The following KAT6A variants were observed in gnomAD, a reference collection of about 807,000 sequenced individuals.
The protein encoded by KAT6A is lysine acetyltransferase 6A, also known as histone acetyltransferase KAT6A.
A neutral mutation model predicts 198.4 loss-of-function variants in KAT6A; 9 were observed. The ratio of observed to expected loss-of-function variants is 0.05; its 90% confidence interval spans 0.03 to 0.08. KAT6A has a LOEUF of 0.08. Ranked by LOEUF, KAT6A falls within the 10% of genes least tolerant of loss-of-function variation. KAT6A has a pLI of 1.00. For synonymous variants in KAT6A, 890 were observed against 883.0 expected (o/e 1.01, Z -0.14); for missense variants, 2,077 against 2,509.9 (o/e 0.83, Z 3.69).
chr8:41,965,079 GA>G (rs1823399210), intron 8 of KAT6A, among the ~76,000 whole-genome samples: 1 of 152,168 alleles, frequency 6.6e-6, no homozygotes, highest in Non-Finnish European at 1.5e-5. Flanking sequence ...AGATGATATA[GA>G]AAACACAGTA....
rs1321415127 is a variant in KAT6A at position 42,004,653 on chromosome 8, C to T, written c.601-17090G>A. On this transcript the variant is annotated intron_variant, in intron 2 of 16. Transcript: ENST00000265713. ...TAAAAATCACTACTTCGGCCGGGTG[C>T]GGTGACTCACACCTGTAATCCCAGC... is the stretch of plus-strand genomic sequence containing the variant. 4.6e-5 allele frequency among the ~76,000 whole-genome samples: 7 copies of T among 152,112 alleles called. No individual in the cohort carries two copies. The South Asian group carries it at 6.2e-4, about 14-fold the overall frequency.
chr8:42,009,541 A>G (rs569574147), intron 2 of KAT6A, among the ~76,000 whole-genome samples: 1 of 151,820 alleles, frequency 6.6e-6, no homozygotes, highest in Non-Finnish European at 1.5e-5. Context: ...ATGTGGGTGC[A>G]TTTTACATTC....
chr8:42,044,158 T>G (rs1827797167), intron 2 of KAT6A, among the ~76,000 whole-genome samples: 1 of 148,592 alleles, frequency 6.7e-6, no homozygotes, highest in South Asian at 2.1e-4. Context: ...TGGAGTGCAG[T>G]GGCACAATCT....
chr8:41,932,204 C>T lies in KAT6A; in HGVS notation c.*1G>A. 1.3e-6 allele frequency: 2 copies of T among 1,552,122 alleles called. No homozygotes were observed. The highest frequency in any genetic ancestry group is 1.7e-6 in the Non-Finnish European group (2 of 1,149,550). On this transcript the variant is annotated 3_prime_UTR_variant, in exon 17 of 17. Coordinates refer to ENST00000265713, the MANE Select transcript of KAT6A (RefSeq NM_006766.5). ...AGTTTTTGATTGCAAGTTCATCTTG[C>T]TCATCTTCTCATGTAAGGTCCGTTG... is the stretch of plus-strand genomic sequence containing the variant.
At chr8:41,968,183 A>G (rs1425395929) in intron 8 of KAT6A, among the ~76,000 whole-genome samples, 1 of 152,258 alleles carries the variant, frequency 6.6e-6, no homozygotes, top group Non-Finnish European at 1.5e-5. Flanking sequence ...CAGAGTGAAC[A>G]GGCAACCCAC....
intron 2 of KAT6A, among the ~76,000 whole-genome samples, chr8:42,032,704 T>C (rs896011673): frequency 6.6e-6 from 1 of 151,986 alleles, no homozygotes; most frequent in Non-Finnish European, 1.5e-5. Flanking sequence ...ACTCTTACAA[T>C]GGAGGGCTAA....
Position 41,937,320 on chromosome 8 carries a change from A to G in KAT6A, c.3288T>C (p.Cys1096=). The G allele has an allele frequency of 1.5e-5, 24 of 1,614,068 alleles. No individual in the cohort carries two copies. Among genetic ancestry groups the G allele is most frequent in the Non-Finnish European group, 1.9e-5 (23 of 1,179,914 alleles). The change falls in exon 16 of 17, where the codon TGT becomes TGC. Residue 1096 remains cysteine (C), a synonymous_variant. Transcript: ENST00000265713. ...TAGACTTCCTCTTAGAAGAGGACTG[A>G]CACCTGAGTACATCCTGCGAAGACA... ...RRLSSQDVLR[C]QSSSKRKSKD... is the part of the protein sequence containing the mutation.
chr8:41,997,978 T>C (rs1335037096), intron 2 of KAT6A, among the ~76,000 whole-genome samples: 2 of 152,102 alleles, frequency 1.3e-5, no homozygotes, highest in Admixed American at 6.5e-5. Context: ...AGGCATGGTA[T>C]AGTGAAGGAA....
chr8:41,962,356 T>A (rs1341942136), intron 8 of KAT6A, among the ~76,000 whole-genome samples: 1 of 152,086 alleles, frequency 6.6e-6, no homozygotes, highest in Non-Finnish European at 1.5e-5. Flanking sequence ...ATCAAACTCC[T>A]AAATCTTTTC....
chr8:42,045,002 C>T (rs1802143627), intron 2 of KAT6A, among the ~76,000 whole-genome samples: 1 of 152,192 alleles, frequency 6.6e-6, no homozygotes, highest in Admixed American at 6.5e-5. Context: ...ATAAAAGGAG[C>T]AGACATAATC....
In KAT6A at chr8:41,964,593, C is replaced by T. The variant is rs117120282; in HGVS notation, c.1483-9182G>A. Among the ~76,000 whole-genome samples the T allele has an allele frequency of 2.1e-4, 30 of 145,282 alleles. No individual in the cohort carries two copies. In the East Asian group the frequency reaches 4.2e-3, roughly 20 times the overall value. ...CAGATTTTGAATTCAGGATGCTCGA[C>T]GGCTAAGCATATGATGCAAATATTC... On this transcript the variant is annotated intron_variant, in intron 8 of 16. Transcript: ENST00000265713.
rs548107070 is a variant in KAT6A, at chr8:42,025,070, TAA to T, written c.600+23306_600+23307del. ...TAATTTACATTCTCACAACGATGTATAAGAGTTCCCTTTTCTCCCTATCCTCA... is the reference window on the plus strand; with the variant it reads ...TAATTTACATTCTCACAACGATGTATGAGTTCCCTTTTCTCCCTATCCTCA... On this transcript the variant is annotated intron_variant, in intron 2 of 16. Coordinates refer to ENST00000265713, the MANE Select transcript of KAT6A (RefSeq NM_006766.5). 1.9e-4 allele frequency among the ~76,000 whole-genome samples: 29 copies of T among 152,314 alleles called. No homozygotes were observed. The East Asian group carries it at 5.0e-3, about 26-fold the overall frequency.
chr8:42,031,646 T>TTG (rs1827136923), intron 2 of KAT6A, among the ~76,000 whole-genome samples: 1 of 111,088 alleles, frequency 9.0e-6, no homozygotes, highest in African/African-American at 3.4e-5. Context: ...TTTTTTTTTT[T>TTG]GGAGACGGAG....
chr8:42,029,344 G>C (rs186301612), intron 2 of KAT6A, among the ~76,000 whole-genome samples: 5 of 152,136 alleles, frequency 3.3e-5, no homozygotes, highest in African/African-American at 1.2e-4. Flanking sequence ...AAACTTTTCA[G>C]TTATTATTTC....
intron 2 of KAT6A, among the ~76,000 whole-genome samples, chr8:42,041,192 CAAAAAAA>C (rs10595164): frequency 1.1e-5 from 1 of 88,890 alleles, no homozygotes; most frequent in Non-Finnish European, 2.2e-5. Context: ...GATTCCGTCT[CAAAAAAA>C]AAAAAAAAAA....
Position 41,933,094 on chromosome 8 carries a change from T to C in KAT6A, c.5126A>G (p.Asn1709Ser). The C allele has an allele frequency of 6.2e-7, 1 of 1,612,324 alleles. No individual in the cohort carries two copies. The highest frequency in any genetic ancestry group is 8.5e-7 in the Non-Finnish European group (1 of 1,179,458). ...QPPLSQCSMN[N>S]SFTPAPMIME... ...GATCATAGGAGCTGGGGTGAAACTG[T>C]TATTCATACTACACTGTGACAGCGG... The change falls in exon 17 of 17, where the codon AAC (asparagine) becomes AGC (serine). Residue 1709 changes from asparagine to serine, a missense_variant. This residue lies in a region of KAT6A where 500 missense variants were observed against 577.2 expected (regional missense o/e 0.87). Transcript: ENST00000265713. The surrounding 1 kb of genome is among the most constrained non-coding windows in gnomAD (Gnocchi z 6.2).
chr8:41,940,887 C>T lies in KAT6A; in HGVS notation c.2994G>A (p.Arg998=). 1 of 1,613,790 alleles carries T rather than the reference C, an allele frequency of 6.2e-7. No homozygotes were observed. Among genetic ancestry groups the T allele is most frequent in the Non-Finnish European group, 8.5e-7 (1 of 1,180,016 alleles). ...SEEEEEPESP[R]SSSPPILTKP... ...TTGTGAGAATTGGTGGCGAGCTTGA[C>T]CGAGGGCTTTCCGGCTCCTCCTCCT... Residue 998 remains arginine, a synonymous_variant, in exon 15 of 17, where the codon CGG becomes CGA. Coordinates refer to ENST00000265713, the MANE Select transcript of KAT6A (RefSeq NM_006766.5).
intron 2 of KAT6A, among the ~76,000 whole-genome samples, chr8:42,040,258 T>C (rs1177280336): frequency 2.0e-5 from 3 of 152,148 alleles, no homozygotes; most frequent in African/African-American, 4.8e-5. Flanking sequence ...CCTTAGCCTA[T>C]TGATACAGAG....
intron 2 of KAT6A, among the ~76,000 whole-genome samples, chr8:42,011,895 GAA>G (rs35104277): frequency 4.4e-5 from 5 of 114,266 alleles, no homozygotes; most frequent in Non-Finnish European, 3.8e-5. Flanking sequence ...AAAAGAAGAG[GAA>G]AAAAAAAAAA....
Sources: gnomAD v4.1 joint callset for allele counts (sites outside exome capture counted in the v4.1 genomes callset) on GRCh38, gnomAD v4.1.1 for gene constraint, gnomAD v4.1.1 regional missense constraint, Gnocchi (gnomAD v3.1) non-coding constraint, MANE v1.5 for transcripts, NCBI Gene and HGNC (gene_info 2026-07-23, HGNC 2026-07-21) for gene names.